Variants in P4HTM observed in about 807,000 individuals in gnomAD.
P4HTM encodes the protein transmembrane prolyl 4-hydroxylase.
Under a neutral mutation model 55.3 loss-of-function variants are expected in P4HTM, and 33 were observed. The ratio of observed to expected loss-of-function variants is 0.60; its 90% confidence interval spans 0.45 to 0.80. The LOEUF is 0.80. P4HTM is among the 30% of genes least tolerant of loss of function. P4HTM has a pLI of 0.00. For missense variants in P4HTM, 542 were observed against 696.5 expected (o/e 0.78, Z 2.50); for synonymous variants, 272 against 286.4 (o/e 0.95, Z 0.51).
In P4HTM at chr3:49,002,658, A is replaced by G. The variant is rs2092964925; in HGVS notation, c.724+62A>G. On this transcript the variant is annotated intron_variant, in intron 4 of 8. Transcript: ENST00000383729. The surrounding 1 kb of genome is among the most constrained non-coding windows in gnomAD (Gnocchi z 4.4). ...GCCTCCTGCCCACTCCCAGGTGCACAATTTTGAAAACTTGGGCCCTTCCCC... is the reference window on the plus strand; with the variant it reads ...GCCTCCTGCCCACTCCCAGGTGCACGATTTTGAAAACTTGGGCCCTTCCCC... 1 of 1,337,364 alleles carries G rather than the reference A, an allele frequency of 7.5e-7. No individual in the cohort carries two copies. 82.8% of individuals were successfully genotyped at this position (1,337,364 alleles called of 1,614,324 possible).
At chr3:48,998,670 A>T (rs1210791423) in intron 2 of P4HTM, among the ~76,000 whole-genome samples, 3 of 152,132 alleles carry the variant, frequency 2.0e-5, no homozygotes, top group African/African-American at 7.2e-5. Context: ...TCTCCATCTT[A>T]AAGTGAGGAA....
intron 5 of P4HTM, chr3:49,004,596 C>G: frequency 1.8e-6 from 1 of 570,712 alleles, no homozygotes; most frequent in Non-Finnish European, 3.1e-6. Context: ...GGGAGGAGGA[C>G]CTCAGGACTC....
In P4HTM at chr3:48,990,642, G is replaced by A. The variant is rs1269252640; in HGVS notation, c.354+32G>A. On this transcript the variant is annotated intron_variant, in intron 1 of 8. Coordinates refer to ENST00000383729, the MANE Select transcript of P4HTM (RefSeq NM_177939.3). The surrounding 1 kb of genome is among the most constrained non-coding windows in gnomAD (Gnocchi z 7.2). Reference sequence around the variant, plus strand: ...ACCTCCCTGCCCCGCCGCGCTCCAGGCCCTGCACGGCTGAGCCCGAGAGGA... The same window carrying A: ...ACCTCCCTGCCCCGCCGCGCTCCAGACCCTGCACGGCTGAGCCCGAGAGGA... 1 of 1,514,998 alleles carries A rather than the reference G, an allele frequency of 6.6e-7. No homozygotes were observed. Among genetic ancestry groups the A allele is most frequent in the Non-Finnish European group, 8.8e-7 (1 of 1,130,062 alleles). 93.8% of individuals were successfully genotyped at this position (1,514,998 alleles called of 1,614,324 possible).
intron 2 of P4HTM, among the ~76,000 whole-genome samples, chr3:48,994,291 C>T (rs558480623): frequency 1.3e-5 from 2 of 152,284 alleles, no homozygotes; most frequent in East Asian, 1.9e-4. Context: ...TGGATCTAAA[C>T]CTGTGACCTG....
chr3:49,001,735 CTACCCAGACCTGCCTGGGCA>C (rs993861770), intron 3 of P4HTM, 107 bp downstream of exon 3: 8 of 962,476 alleles, frequency 8.3e-6, no homozygotes, highest in Non-Finnish European at 1.2e-5. Context: ...AAGTCAGATA[CTACCCAGACCTGCCTGGGCA>C]TGCCCAGACC....
intron 2 of P4HTM, chr3:48,991,472 G>A (rs1489415967): frequency 6.5e-6 from 1 of 152,828 alleles, no homozygotes; most frequent in Non-Finnish European, 1.5e-5. Context: ...GACTCCAGTT[G>A]GAGCCACAAC....
At chr3:48,990,115 G>A (rs2092925942), upstream of P4HTM, 3 of 759,900 alleles carry the variant, frequency 3.9e-6, no homozygotes, top group Non-Finnish European at 4.9e-6. This position sits in a 1 kb window ranked among gnomAD's most constrained non-coding sequence, Gnocchi z 7.2. Context: ...GGACGCAGGC[G>A]GCTCCGGGCG....
intron 2 of P4HTM, chr3:48,992,099 T>A (rs1051122778): frequency 3.3e-5 from 5 of 152,194 alleles, no homozygotes; most frequent in Non-Finnish European, 5.9e-5. Flanking sequence ...TGAGTAACGT[T>A]GAAGTCTGTG....
Position 48,990,683 on chromosome 3 carries a change from G to T in P4HTM, c.354+73G>T. 6.8e-7 allele frequency: 1 copy of T among 1,471,120 alleles called. No individual in the cohort carries two copies. The highest frequency in any genetic ancestry group is 2.4e-5 in the Admixed American group (1 of 41,830). The allele number at this position is 1,471,120 out of a possible 1,614,324, so 91.1% of individuals were successfully genotyped here. The stretch of plus-strand genomic sequence containing the variant: ...CCCGAGAGGACCGGCGCTCAGCCCG[G>T]GTCCCCACGCTGCCCCCGGCGCTGC... On this transcript the variant is annotated intron_variant, in intron 1 of 8. Transcript: ENST00000383729. This position sits in a 1 kb window ranked among gnomAD's most constrained non-coding sequence, Gnocchi z 7.2.
rs867925989 is a variant in P4HTM at position 48,993,507 on chromosome 3, T to C, written c.436+2593T>C. On this transcript the variant is annotated intron_variant, in intron 2 of 8. Coordinates refer to ENST00000383729, the MANE Select transcript of P4HTM (RefSeq NM_177939.3). ...GGGATCTGTATATATCTAATTCATA[T>C]TGATGTTAGGTTAAGTAAGCCATGA... Among the ~76,000 whole-genome samples the C allele has an allele frequency of 5.3e-5, 8 of 152,080 alleles. No individual in the cohort carries two copies. The South Asian group carries it at 6.2e-4, about 12-fold the overall frequency.
At chr3:49,005,205 T>C (rs757358482) in intron 6 of P4HTM, 159 bp downstream of exon 6, 5 of 1,569,008 alleles carry the variant, frequency 3.2e-6, no homozygotes, top group Non-Finnish European at 4.3e-6. Context: ...CACAAGTTGT[T>C]TACCCAATGG....
At chr3:49,005,598 A>G in intron 6 of P4HTM, 179 bp from the exon 7 acceptor site, 1 of 1,413,724 alleles carries the variant, frequency 7.1e-7, no homozygotes, top group Non-Finnish European at 9.2e-7. Context: ...ACAGTAAGAG[A>G]CTGGGTTTCG....
Position 49,002,406 on chromosome 3 carries a change from GA to G in P4HTM, c.628-92del. ...TGTGTCCTCATCCATGCCCTCACCT[GA>G]ACACTTTGCTCCACAACAAGCACTG... is the stretch of plus-strand genomic sequence containing the variant. On this transcript the variant is annotated intron_variant, in intron 3 of 8. Transcript: ENST00000383729. This position sits in a 1 kb window ranked among gnomAD's most constrained non-coding sequence, Gnocchi z 4.4. The G allele has an allele frequency of 3.3e-6, 3 of 914,442 alleles. No homozygotes were observed. Among genetic ancestry groups the G allele is most frequent in the Non-Finnish European group, 5.4e-6 (3 of 560,510 alleles). The allele number at this position is 914,442 out of a possible 1,614,324, so 56.6% of individuals were successfully genotyped here.
At chr3:48,995,894 ATTC>A (rs963655668) in intron 2 of P4HTM, among the ~76,000 whole-genome samples, 1 of 152,034 alleles carries the variant, frequency 6.6e-6, no homozygotes, top group African/African-American at 2.4e-5. Context: ...CCTCCCGCTA[ATTC>A]TTGGCTGGCT....
intron 5 of P4HTM, 146 bp downstream of exon 5, chr3:49,004,406 C>A: frequency 1.2e-6 from 1 of 864,192 alleles, no homozygotes; most frequent in East Asian, 2.8e-5. Flanking sequence ...TTGGGACCCA[C>A]TGAAAGACAG....
Position 49,004,081 on chromosome 3 carries a change from G to C in P4HTM, c.725-17G>C. The C allele has an allele frequency of 6.4e-7, 1 of 1,551,114 alleles. No homozygotes were observed. The highest frequency in any genetic ancestry group is 2.4e-5 in the East Asian group (1 of 41,110). On this transcript the variant is annotated splice_polypyrimidine_tract_variant and intron_variant, in intron 4 of 8. Transcript: ENST00000383729. ...AATATGGGCTTGGTGGGCATTGATGGTGGGTGCCCTGTGCAGGAGTGCTGA... is the reference window on the plus strand; with the variant it reads ...AATATGGGCTTGGTGGGCATTGATGCTGGGTGCCCTGTGCAGGAGTGCTGA...
At chr3:48,995,876 G>C (rs763840764) in intron 2 of P4HTM, among the ~76,000 whole-genome samples, 3 of 152,098 alleles carry the variant, frequency 2.0e-5, no homozygotes, top group Non-Finnish European at 4.4e-5. Context: ...ATAAGCCTCC[G>C]TGCCCAGCCT....
In P4HTM at chr3:49,007,142, C is replaced by A; in HGVS notation, c.*235C>A. 2.8e-6 allele frequency: 2 copies of A among 725,420 alleles called. No individual in the cohort carries two copies. The highest frequency in any genetic ancestry group is 4.4e-6 in the Non-Finnish European group (2 of 452,528). The allele number at this position is 725,420 out of a possible 1,614,324, so 44.9% of individuals were successfully genotyped here. ...CCGCCGGGCCCGACAAACTCCGGGT[C>A]GGCGAAACAGAGTCCGCGATAGGTG... On this transcript the variant is annotated 3_prime_UTR_variant, in exon 9 of 9. Transcript: ENST00000383729. This position sits in a 1 kb window ranked among gnomAD's most constrained non-coding sequence, Gnocchi z 5.1.
rs2092963761 is a variant in P4HTM, at chr3:49,002,447, T to C, written c.628-53T>C. 2 of 1,299,734 alleles carry C rather than the reference T, an allele frequency of 1.5e-6. No individual in the cohort carries two copies. Among genetic ancestry groups the C allele is most frequent in the African/African-American group, 2.9e-5 (2 of 69,074 alleles). 80.5% of individuals were successfully genotyped at this position (1,299,734 alleles called of 1,614,324 possible). A position where few individuals can be genotyped will look rare whatever the true frequency, so the allele number is the denominator to read the frequency against. On this transcript the variant is annotated intron_variant, in intron 3 of 8. Coordinates refer to ENST00000383729, the MANE Select transcript of P4HTM (RefSeq NM_177939.3). The surrounding 1 kb of genome is among the most constrained non-coding windows in gnomAD (Gnocchi z 4.4). The stretch of plus-strand genomic sequence containing the variant: ...AACAAGCACTGGGCCATCTGTTCTC[T>C]GCTGGCTCTCCATCACTGGGGTCAC...
Sources: allele counts gnomAD v4.1 joint callset (sites outside exome capture counted in the v4.1 genomes callset), GRCh38; gene constraint gnomAD v4.1.1; non-coding constraint Gnocchi (gnomAD v3.1); transcripts MANE v1.5; gene names NCBI Gene and HGNC (gene_info 2026-07-23, HGNC 2026-07-21).